The following ZMYND11 variants were observed in gnomAD, a reference collection of about 807,000 sequenced individuals.
ZMYND11 encodes zinc finger MYND domain-containing protein 11.
ZMYND11 carries 9 observed loss-of-function variants against 84.9 expected under a neutral mutation model. The ratio of observed to expected loss-of-function variants is 0.11; its 90% CI spans 0.06 to 0.18. ZMYND11 has a LOEUF of 0.18. ZMYND11 is among the 10% of genes least tolerant of loss of function. ZMYND11 has a pLI of 1.00. For synonymous variants in ZMYND11, 250 were observed against 244.1 expected (o/e 1.02, Z -0.23); for missense variants, 409 against 761.0 (o/e 0.54, Z 5.44).
At chr10:227,615 A>G (rs537139754) in intron 4 of ZMYND11, among the ~76,000 whole-genome samples, 2 of 152,210 alleles carry the variant, frequency 1.3e-5, no homozygotes, top group Admixed American at 1.3e-4. Context: ...TACAGTTTTC[A>G]TGCTTTTGGG....
chr10:180,655 T>A (rs1847681850), intron 2 of ZMYND11, among the ~76,000 whole-genome samples: 1 of 152,198 alleles, frequency 6.6e-6, no homozygotes, highest in South Asian at 2.1e-4. Context: ...CGCCTTGGCG[T>A]CCCAAAGTGC....
At chr10:192,182 T>C (rs1000981694) in intron 2 of ZMYND11, among the ~76,000 whole-genome samples, 1 of 152,166 alleles carries the variant, frequency 6.6e-6, no homozygotes, top group Non-Finnish European at 1.5e-5. Context: ...TAAATTCTTA[T>C]AACAGCACTA....
chr10:176,096 C>T (rs1029584078), intron 1 of ZMYND11, among the ~76,000 whole-genome samples: 16 of 152,076 alleles, frequency 1.1e-4, no homozygotes, highest in African/African-American at 2.7e-4. Context: ...TTTTTTCTGA[C>T]GTGTTTTCTC....
rs1950430922 is a variant in ZMYND11 at position 238,910 on chromosome 10, T to TTTG, written c.610-526_610-524dup. On this transcript the variant is annotated intron_variant, in intron 6 of 14. Coordinates refer to ENST00000381604, the MANE Select transcript of ZMYND11 (RefSeq NM_001370100.5). ...TCCTTCCTGTTGAAATCCTCTAAGA[T>TTTG]TTGTCACAGACAGGGACACCTGAGA... is the stretch of plus-strand genomic sequence containing the variant. Among the ~76,000 whole-genome samples the TTTG allele has an allele frequency of 2.6e-5, 4 of 152,286 alleles. No individual in the cohort carries two copies. The South Asian group carries it at 8.3e-4, about 32-fold the overall frequency.
At chr10:230,995 AC>A (rs1251981680) in intron 4 of ZMYND11, among the ~76,000 whole-genome samples, 1 of 152,206 alleles carries the variant, frequency 6.6e-6, no homozygotes, top group Non-Finnish European at 1.5e-5. Context: ...AATGACTTTT[AC>A]GTTTTCAGAT....
intron 2 of ZMYND11, among the ~76,000 whole-genome samples, chr10:196,429 AT>A (rs1458367656): frequency 3.3e-5 from 5 of 152,186 alleles, no homozygotes; most frequent in Non-Finnish European, 7.4e-5. Flanking sequence ...TATTATGACC[AT>A]TTTTTATAAT....
intron 2 of ZMYND11, among the ~76,000 whole-genome samples, chr10:194,620 A>T (rs533904015): frequency 6.6e-6 from 1 of 152,212 alleles, no homozygotes; most frequent in Non-Finnish European, 1.5e-5. Context: ...ATTCCGCTCG[A>T]TTTATACTAG....
At chr10:160,484 C>T (rs1842713905) in intron 1 of ZMYND11, among the ~76,000 whole-genome samples, 1 of 152,094 alleles carries the variant, frequency 6.6e-6, no homozygotes, top group Non-Finnish European at 1.5e-5. Context: ...AAAATAAGGA[C>T]AGCAATAAAG....
intron 1 of ZMYND11, among the ~76,000 whole-genome samples, chr10:152,311 C>T (rs1554757301): frequency 6.6e-6 from 1 of 152,154 alleles, no homozygotes; most frequent in East Asian, 1.9e-4. Context: ...GTGCTATATT[C>T]AGGAGACCCA....
chr10:229,096 A>G (rs1293370131), intron 4 of ZMYND11, among the ~76,000 whole-genome samples: 1 of 152,224 alleles, frequency 6.6e-6, no homozygotes, highest in African/African-American at 2.4e-5. Flanking sequence ...AGCTGCTCAT[A>G]TCATGTGAAC....
At chr10:149,678 T>C (rs1246892120) in intron 1 of ZMYND11, among the ~76,000 whole-genome samples, 2 of 152,232 alleles carry the variant, frequency 1.3e-5, no homozygotes, top group African/African-American at 4.8e-5. Context: ...ATTGTGGGTA[T>C]GTTTTAGTAT....
chr10:199,282 CCTCCCTCCCTCA>C (rs1315919960), intron 2 of ZMYND11, among the ~76,000 whole-genome samples: 12 of 83,184 alleles, frequency 1.4e-4, no homozygotes, highest in Middle Eastern at 0.011. Context: ...CCTTCCCATC[CCTCCCTCCCTCA>C]CTCCCTCCCT....
intron 1 of ZMYND11, among the ~76,000 whole-genome samples, chr10:160,201 AG>A (rs1277976911): frequency 1.3e-5 from 2 of 152,240 alleles, no homozygotes; most frequent in African/African-American, 4.8e-5. Flanking sequence ...CAGCAAAGTG[AG>A]TTACACAAAT....
At chr10:238,739 G>T (rs1322538345) in intron 6 of ZMYND11, among the ~76,000 whole-genome samples, 1 of 152,106 alleles carries the variant, frequency 6.6e-6, no homozygotes, top group Non-Finnish European at 1.5e-5. Context: ...TTCCCTTAAA[G>T]TAACTGGTAA....
rs1405946569 is a variant in ZMYND11, at chr10:222,780, C to T, written c.438+1424C>T. On this transcript the variant is annotated intron_variant, in intron 4 of 14. Transcript: ENST00000381604. ...GATGCAGGAATTAGGAAATACAGCT[C>T]TGGGTATGTCTGTGTCTCTACAGCC... 2.0e-5 allele frequency among the ~76,000 whole-genome samples: 3 copies of T among 151,546 alleles called. No homozygotes were observed. In the East Asian group the frequency reaches 5.8e-4, roughly 29 times the overall value.
intron 3 of ZMYND11, among the ~76,000 whole-genome samples, chr10:217,458 G>T (rs916011477): frequency 1.8e-4 from 28 of 151,882 alleles, no homozygotes; most frequent in Non-Finnish European, 7.4e-5. Flanking sequence ...GGGAGGCGGA[G>T]GTTGCAGTGA....
chr10:221,915 G>A (rs1947200249), intron 4 of ZMYND11, among the ~76,000 whole-genome samples: 1 of 151,906 alleles, frequency 6.6e-6, no homozygotes. Context: ...TGCCCCATAG[G>A]TAAAAAAGGT....
chr10:242,083 C>G lies in ZMYND11; in HGVS notation c.894C>G (p.Val298=). ...MKGFGFWPAK[V]MQKEDNQVDV... ...GTTTTGGGTTTTGGCCAGCCAAAGT[C>G]ATGCAGAAAGAAGACAATCAAGTCG... Residue 298 remains valine, a synonymous_variant, in exon 10 of 15, where the codon GTC becomes GTG. Transcript: ENST00000381604. 1 of 1,613,964 alleles carries G rather than the reference C, an allele frequency of 6.2e-7. No individual in the cohort carries two copies. Among genetic ancestry groups the G allele is most frequent in the Admixed American group, 1.7e-5 (1 of 60,006 alleles).
intron 12 of ZMYND11, among the ~76,000 whole-genome samples, chr10:247,900 T>C (rs557682941): frequency 6.6e-6 from 1 of 152,356 alleles, no homozygotes; most frequent in Admixed American, 6.5e-5. Context: ...GTTTTAAAAC[T>C]GTAAATCTGG....
Sources: allele counts gnomAD v4.1 joint callset (sites outside exome capture counted in the v4.1 genomes callset), GRCh38; gene constraint gnomAD v4.1.1; transcripts MANE v1.5; gene names NCBI Gene and HGNC (gene_info 2026-07-23, HGNC 2026-07-21).